The following AKAP6 variants were observed in gnomAD, a reference collection of about 807,000 sequenced individuals.
AKAP6 encodes A-kinase anchor protein 6.
A neutral mutation model predicts 188.5 loss-of-function variants in AKAP6; 58 were observed. The ratio of observed to expected loss-of-function variants is 0.31; its 90% CI spans 0.25 to 0.38. The LOEUF is 0.38. Among genes scored for constraint, AKAP6 ranks in the 10% least tolerant of loss-of-function variants. The pLI, the probability that AKAP6 is intolerant of heterozygous loss-of-function variation, is 1.00. For missense variants in AKAP6, 2,710 were observed against 2,740.0 expected, an observed-to-expected ratio of 0.99 and a Z score of 0.24; for synonymous variants, 989 against 998.6, an observed-to-expected ratio of 0.99 and a Z score of 0.18.
chr14:32,710,197 C>CA (rs10535937), intron 9 of AKAP6, among the ~76,000 whole-genome samples: 100 of 146,226 alleles, frequency 6.8e-4, no homozygotes, highest in East Asian at 1.4e-3. Context: ...AAAATGGACC[C>CA]AAAAAAAAAA....
At chr14:32,462,358 C>T (rs1891357147) in intron 2 of AKAP6, among the ~76,000 whole-genome samples, 1 of 152,172 alleles carries the variant, frequency 6.6e-6, no homozygotes, top group African/African-American at 2.4e-5. Context: ...CAAAGGGAAG[C>T]TCATCAGACT....
chr14:32,756,939 G>A (rs1301332241), intron 11 of AKAP6, among the ~76,000 whole-genome samples: 1 of 152,134 alleles, frequency 6.6e-6, no homozygotes, highest in Non-Finnish European at 1.5e-5. Context: ...CAGTGGGGGA[G>A]GCTTGGAGAC....
In AKAP6 at chr14:32,834,662, T is replaced by C. The variant is rs931453442; in HGVS notation, c.*4857T>C. 3 of 152,044 alleles carry C rather than the reference T, an allele frequency of 2.0e-5. No individual in the cohort carries two copies. Among genetic ancestry groups the C allele is most frequent in the Non-Finnish European group, 1.5e-5 (1 of 68,016 alleles). The allele number at this position is 152,044 out of a possible 1,614,324, so 9.4% of individuals were successfully genotyped here. ...AGTTTTGCAGAATGATCCACAATCT[T>C]GATGGGTCTAGTTGTTTTCTCATTG... is the stretch of plus-strand genomic sequence containing the variant. On this transcript the variant is annotated 3_prime_UTR_variant, in exon 14 of 14. Transcript: ENST00000280979.
At chr14:32,408,971 A>C (rs1342868534) in intron 1 of AKAP6, among the ~76,000 whole-genome samples, 4 of 152,228 alleles carry the variant, frequency 2.6e-5, no homozygotes, top group Admixed American at 2.0e-4. Flanking sequence ...AGGCCGATGC[A>C]GGTGGATCAC....
chr14:32,807,992 AG>A (rs2034133377), intron 12 of AKAP6, among the ~76,000 whole-genome samples: 1 of 152,254 alleles, frequency 6.6e-6, no homozygotes, highest in South Asian at 2.1e-4. Flanking sequence ...GCATTTCAAG[AG>A]CAGTTTTGCA....
chr14:32,474,641 G>A (rs538581442), intron 2 of AKAP6: 91 of 152,376 alleles, frequency 6.0e-4, no homozygotes, highest in Admixed American at 2.7e-3. Flanking sequence ...TAAAGAAATA[G>A]GGATTGAATC....
intron 2 of AKAP6, among the ~76,000 whole-genome samples, chr14:32,501,884 T>C (rs1880626396): frequency 6.6e-6 from 1 of 152,192 alleles, no homozygotes; most frequent in Admixed American, 6.5e-5. Flanking sequence ...TCCTAGGCTG[T>C]ACTCTGACTT....
chr14:32,460,100 G>T (rs1399237378), intron 2 of AKAP6, among the ~76,000 whole-genome samples: 1 of 152,146 alleles, frequency 6.6e-6, no homozygotes, highest in African/African-American at 2.4e-5. Context: ...CAAGCCTTTA[G>T]ATCTAACTGT....
At chr14:32,710,174 G>C (rs1257588137) in intron 9 of AKAP6, among the ~76,000 whole-genome samples, 2 of 138,550 alleles carry the variant, frequency 1.4e-5, no homozygotes, top group Non-Finnish European at 3.1e-5. Flanking sequence ...AAAAGAAAAA[G>C]AACATGACAT....
At position 32,545,499 on chromosome 14, in the gene AKAP6, C is replaced by G; in HGVS notation, c.846C>G (p.Ile282Met). 1 of 1,614,214 alleles carries G rather than the reference C, an allele frequency of 6.2e-7. No homozygotes were observed. The highest frequency in any genetic ancestry group is 8.5e-7 in the Non-Finnish European group (1 of 1,180,020). The change falls in exon 4 of 14, where the codon ATC (isoleucine) becomes ATG (methionine). Residue 282 changes from isoleucine (I) to methionine (M), a missense_variant. This residue lies in a region of AKAP6 where 2,473 missense variants were observed against 2,426.1 expected (regional missense o/e 1.02). Coordinates refer to ENST00000280979, the MANE Select transcript of AKAP6 (RefSeq NM_004274.5). ...VGLLTVAADS[I>M]STNGSEAVTE... ...TACTTACGGTAGCTGCTGACTCTAT[C>G]TCTACCAATGGCAGTGAAGCAGTTA...
Position 32,555,528 on chromosome 14 carries a change from T to C in AKAP6, c.2346+8529T>C, listed in dbSNP as rs148005769. 2.9e-3 allele frequency among the ~76,000 whole-genome samples: 447 copies of C among 152,342 alleles called. 3 individuals are homozygous for C. Among genetic ancestry groups the C allele is most frequent in the African/African-American group, 9.8e-3 (406 of 41,578 alleles). On this transcript the variant is annotated intron_variant, in intron 4 of 13. Coordinates refer to ENST00000280979, the MANE Select transcript of AKAP6 (RefSeq NM_004274.5). ...CAGTTTAAGAATATTTGCATGGTTG[T>C]AAAACAGATCTCCAGAACGTTTTCA...
intron 7 of AKAP6, among the ~76,000 whole-genome samples, chr14:32,657,788 C>T (rs1352597296): frequency 6.6e-6 from 1 of 151,658 alleles, no homozygotes; most frequent in African/African-American, 2.4e-5. Flanking sequence ...GATACCATTT[C>T]TACAGTACTT....
rs148781222 is a variant in AKAP6, at chr14:32,592,246, G to A, written c.2470-7164G>A. 5.8e-4 allele frequency among the ~76,000 whole-genome samples: 88 copies of A among 152,286 alleles called. 1 individual carries two copies. Among genetic ancestry groups the A allele is most frequent in the South Asian group, 2.3e-3 (11 of 4,824 alleles). ...CTAGACACTGAGGATACAAAAATGA[G>A]TAAAATAAAGAGTTCTACTCTCAAG... On this transcript the variant is annotated intron_variant, in intron 5 of 13. Transcript: ENST00000280979.
chr14:32,503,124 CTG>C (rs1234230274), intron 2 of AKAP6, among the ~76,000 whole-genome samples: 2 of 151,900 alleles, frequency 1.3e-5, no homozygotes, highest in Non-Finnish European at 2.9e-5. Context: ...TTTTTTTGCT[CTG>C]TGTCTGAAAA....
At chr14:32,407,836 G>A (rs1346844398) in intron 1 of AKAP6, among the ~76,000 whole-genome samples, 1 of 152,094 alleles carries the variant, frequency 6.6e-6, no homozygotes, top group Non-Finnish European at 1.5e-5. Context: ...TCAACGTGGA[G>A]GAGAAGGGTT....
chr14:32,586,024 A>G (rs1213474332), intron 5 of AKAP6, among the ~76,000 whole-genome samples: 2 of 152,158 alleles, frequency 1.3e-5, no homozygotes, highest in East Asian at 3.9e-4. Flanking sequence ...AACGACATGA[A>G]ATCAACCATA....
chr14:32,668,404 T>C (rs1889041468), intron 7 of AKAP6, among the ~76,000 whole-genome samples: 1 of 152,064 alleles, frequency 6.6e-6, no homozygotes, highest in African/African-American at 2.4e-5. Context: ...TCATCTGTCA[T>C]TAAAATGGAG....
chr14:32,829,946 T>C lies in AKAP6; in HGVS notation c.*141T>C. The C allele has an allele frequency of 1.4e-6, 1 of 702,722 alleles. No homozygotes were observed. The highest frequency in any genetic ancestry group is 2.6e-6 in the Non-Finnish European group (1 of 384,776). The allele number at this position is 702,722 out of a possible 1,614,324, so 43.5% of individuals were successfully genotyped here. On this transcript the variant is annotated 3_prime_UTR_variant, in exon 14 of 14. Coordinates refer to ENST00000280979, the MANE Select transcript of AKAP6 (RefSeq NM_004274.5). ...CACTGCCGTTTATTACATTGACTTC[T>C]CCCAAGATGAATCTTCCTTCCAAAT...
intron 4 of AKAP6, among the ~76,000 whole-genome samples, chr14:32,552,963 C>G (rs956493648): frequency 1.4e-4 from 21 of 152,076 alleles, no homozygotes; most frequent in South Asian, 8.3e-4. Context: ...TGGCAGAGTC[C>G]TCCACTCTGT....
Sources: gnomAD v4.1 joint callset for allele counts (sites outside exome capture counted in the v4.1 genomes callset) on GRCh38, gnomAD v4.1.1 for gene constraint, gnomAD v4.1.1 regional missense constraint, MANE v1.5 for transcripts, NCBI Gene and HGNC (gene_info 2026-07-23, HGNC 2026-07-21) for gene names.